The following EPG5 variants were observed in gnomAD, a reference collection of about 807,000 sequenced individuals.
EPG5 encodes ectopic P granules protein 5 homolog.
Under a neutral mutation model 302.7 loss-of-function variants are expected in EPG5, and 159 were observed. That is an observed-to-expected ratio of 0.53 (90% CI 0.46 to 0.60). The LOEUF (loss-of-function observed/expected upper bound fraction) is 0.60, where lower values mean the gene tolerates loss of function less well. EPG5 is among the 20% of genes least tolerant of loss of function. The pLI is 0.00. For missense variants in EPG5, 2,896 were observed against 3,092.4 expected, an observed-to-expected ratio of 0.94 and a Z score of 1.51; for synonymous variants, 1,158 against 1,136.8, an observed-to-expected ratio of 1.02 and a Z score of -0.37.
At chr18:45,920,751 C>T (rs1279858994) in intron 16 of EPG5, among the ~76,000 whole-genome samples, 1 of 152,224 alleles carries the variant, frequency 6.6e-6, no homozygotes, top group Non-Finnish European at 1.5e-5. Context: ...CAAACACCTC[C>T]CATTAGGTTC....
rs1322093557 is a variant in EPG5 at position 45,910,518 on chromosome 18, C to A, written c.4205+3G>T. ...ATGTAGGTGGCTAAATAACCATACT[C>A]ACCTCACCAGCTCCTTGTGCAGTTC... On this transcript the variant is annotated splice_donor_region_variant and intron_variant, in intron 23 of 43. Transcript: ENST00000282041. 3 of 1,597,984 alleles carry A rather than the reference C, an allele frequency of 1.9e-6. No homozygotes were observed. The highest frequency in any genetic ancestry group is 2.7e-5 in the African/African-American group (2 of 74,264).
chr18:45,961,538 CA>C (rs2051149657), intron 1 of EPG5, among the ~76,000 whole-genome samples: 2 of 152,164 alleles, frequency 1.3e-5, no homozygotes, highest in African/African-American at 2.4e-5. Context: ...TCTTCCCTTT[CA>C]TGTCTTTACT....
At chr18:45,908,282 T>G (rs982055423) in intron 23 of EPG5, among the ~76,000 whole-genome samples, 3 of 152,016 alleles carry the variant, frequency 2.0e-5, no homozygotes, top group Non-Finnish European at 4.4e-5. Flanking sequence ...TCAAATATGA[T>G]GCGATAATTG....
chr18:45,824,181 G>C, the EPG5 span, among the ~76,000 whole-genome samples: 2 of 152,156 alleles, frequency 1.3e-5, no homozygotes, highest in African/African-American at 2.4e-5. Flanking sequence ...AACCTGAAGG[G>C]CCTCCTGTGT....
chr18:45,926,652 C>A (rs374298714), intron 13 of EPG5, among the ~76,000 whole-genome samples: 4 of 151,912 alleles, frequency 2.6e-5, no homozygotes, highest in Admixed American at 6.6e-5. Flanking sequence ...CATGGTGAAA[C>A]CTCGTCTCTA....
At chr18:45,845,928 C>T (rs1484331655), downstream of EPG5, among the ~76,000 whole-genome samples, 1 of 152,172 alleles carries the variant, frequency 6.6e-6, no homozygotes, top group Non-Finnish European at 1.5e-5. Context: ...AAGAAACCAC[C>T]CAGGGGATAA....
chr18:45,851,652 T>C lies in EPG5; in HGVS notation c.*815A>G, dbSNP rs1055076092. 1 of 152,146 alleles carries C rather than the reference T, an allele frequency of 6.6e-6. No homozygotes were observed. Among genetic ancestry groups the C allele is most frequent in the African/African-American group, 2.4e-5 (1 of 41,420 alleles). The allele number at this position is 152,146 out of a possible 1,614,324, so 9.4% of individuals were successfully genotyped here. On this transcript the variant is annotated 3_prime_UTR_variant, in exon 44 of 44. Coordinates refer to ENST00000282041, the MANE Select transcript of EPG5 (RefSeq NM_020964.3). ...AAACTTAGGTGTCGACAGGGGCAAGTGATGTGAATGAGGCTAGGGTCAGGG... is the reference window on the plus strand; with the variant it reads ...AAACTTAGGTGTCGACAGGGGCAAGCGATGTGAATGAGGCTAGGGTCAGGG...
chr18:45,886,183 C>T (rs1399567142), intron 29 of EPG5, among the ~76,000 whole-genome samples: 1 of 152,194 alleles, frequency 6.6e-6, no homozygotes, highest in African/African-American at 2.4e-5. Context: ...TCCTTTGACA[C>T]AGCAATCATA....
At chr18:45,805,441 C>T in the EPG5 span, among the ~76,000 whole-genome samples, 1 of 132,308 alleles carries the variant, frequency 7.6e-6, no homozygotes, top group African/African-American at 2.8e-5. Flanking sequence ...AAAAAAAAGA[C>T]AAGAAAGAAG....
chr18:45,916,536 G>T lies in EPG5; in HGVS notation c.3286C>A (p.Pro1096Thr). 1 of 1,612,038 alleles carries T rather than the reference G, an allele frequency of 6.2e-7. No homozygotes were observed. The highest frequency in any genetic ancestry group is 1.3e-5 in the African/African-American group (1 of 74,978). The part of the protein sequence containing the change: ...LLFLHLDSGV[P>T]QGVTQQVTHK... The stretch of plus-strand genomic sequence containing the variant: ...GTGACCTGTTGTGTGACACCCTGAG[G>T]GACACCGCTGTCCAAGTGTAGGAAC... Residue 1096 changes from proline to threonine, a missense_variant, in exon 18 of 44, where the codon CCT becomes ACT. Coordinates refer to ENST00000282041, the MANE Select transcript of EPG5 (RefSeq NM_020964.3).
chr18:45,822,915 T>C, the EPG5 span, among the ~76,000 whole-genome samples: 1 of 152,190 alleles, frequency 6.6e-6, no homozygotes, highest in African/African-American at 2.4e-5. Context: ...GGTTTGGCCC[T>C]GTGCTTGGTG....
chr18:45,948,432 G>T, intron 6 of EPG5, 71 bp downstream of exon 6: 1 of 1,236,630 alleles, frequency 8.1e-7, no homozygotes, highest in Non-Finnish European at 1.2e-6. Context: ...GATCTAGGCA[G>T]TTTCAGGAGC....
intron 16 of EPG5, among the ~76,000 whole-genome samples, chr18:45,920,340 G>A (rs1162482739): frequency 1.3e-5 from 2 of 152,226 alleles, no homozygotes; most frequent in African/African-American, 4.8e-5. Flanking sequence ...CAGGTGGCAG[G>A]AGATGGCCCT....
chr18:45,869,421 C>T (rs563839924), intron 36 of EPG5, among the ~76,000 whole-genome samples: 26 of 152,276 alleles, frequency 1.7e-4, no homozygotes, highest in African/African-American at 6.0e-4. Flanking sequence ...ATTAAAAGAT[C>T]CCCAGCTTCT....
chr18:45,953,613 C>A (rs908470937), intron 2 of EPG5: 1 of 985,174 alleles, frequency 1.0e-6, no homozygotes, highest in Admixed American at 6.1e-5. Context: ...ATCACTTTGG[C>A]CTCCATAGGG....
chr18:45,874,128 CAA>C (rs1193441682), intron 35 of EPG5, among the ~76,000 whole-genome samples: 1 of 152,178 alleles, frequency 6.6e-6, no homozygotes, highest in African/African-American at 2.4e-5. Context: ...ATGTGTTTAC[CAA>C]GAGAGAACAC....
intron 24 of EPG5, among the ~76,000 whole-genome samples, chr18:45,904,594 A>G (rs933384436): frequency 6.6e-6 from 1 of 152,214 alleles, no homozygotes; most frequent in Non-Finnish European, 1.5e-5. Flanking sequence ...GGGAGCCTCT[A>G]TGGACAAACT....
the EPG5 span, chr18:45,838,561 C>A: frequency 1.1e-6 from 1 of 946,172 alleles, no homozygotes; most frequent in Non-Finnish European, 1.5e-6. Flanking sequence ...ATGATAGAAT[C>A]TTTCGCCCAA....
the EPG5 span, among the ~76,000 whole-genome samples, chr18:45,819,616 G>A: frequency 6.6e-6 from 1 of 152,166 alleles, no homozygotes; most frequent in Non-Finnish European, 1.5e-5. Flanking sequence ...AACCAACAAT[G>A]AAGACTTGCC....
Sources: allele counts gnomAD v4.1 joint callset (sites outside exome capture counted in the v4.1 genomes callset), GRCh38; gene constraint gnomAD v4.1.1; transcripts MANE v1.5; gene names NCBI Gene and HGNC (gene_info 2026-07-23, HGNC 2026-07-21).